GABPB1: variants seen among roughly 807,000 people sequenced by gnomAD.
GABPB1 encodes GA binding protein transcription factor subunit beta 1.
A neutral mutation model predicts 45.9 loss-of-function variants in GABPB1; 15 were observed. The observed-to-expected ratio is 0.33, with a 90% CI of 0.22 to 0.50. GABPB1 has a LOEUF of 0.50. GABPB1 is among the 20% of genes least tolerant of loss of function. The pLI is 0.98. For synonymous variants in GABPB1, 143 were observed against 154.4 expected (o/e 0.93, Z 0.55); for missense variants, 252 against 457.5 (o/e 0.55, Z 4.10).
chr15:50,315,378 T>A (rs2047283682), intron 1 of GABPB1, among the ~76,000 whole-genome samples: 1 of 152,186 alleles, frequency 6.6e-6, no homozygotes, highest in African/African-American at 2.4e-5. Context: ...GCAATCTGCC[T>A]ACTGCAGCCT....
intron 1 of GABPB1, chr15:50,352,849 C>T (rs1263280367): frequency 6.6e-6 from 1 of 152,158 alleles, no homozygotes; most frequent in Non-Finnish European, 1.5e-5. Context: ...TAAAATACGG[C>T]CTTAAATTTT....
intron 6 of GABPB1, among the ~76,000 whole-genome samples, chr15:50,292,686 AT>A (rs993810223): frequency 2.0e-5 from 3 of 152,084 alleles, no homozygotes; most frequent in Admixed American, 6.6e-5. Context: ...ATGTCAGATA[AT>A]TTTTTTTAAT....
At chr15:50,337,758 C>A (rs2048199980) in intron 1 of GABPB1, among the ~76,000 whole-genome samples, 2 of 152,080 alleles carry the variant, frequency 1.3e-5, no homozygotes, top group South Asian at 2.1e-4. Context: ...CAGAGACAGA[C>A]CCCGTCTCAA....
At chr15:50,336,954 AG>A (rs1425141914) in intron 1 of GABPB1, among the ~76,000 whole-genome samples, 15 of 151,054 alleles carry the variant, frequency 9.9e-5, no homozygotes, top group African/African-American at 3.6e-4. Context: ...CTGAAGTGGG[AG>A]GATCACTTGA....
intron 1 of GABPB1, among the ~76,000 whole-genome samples, chr15:50,310,528 T>C (rs925384393): frequency 2.6e-5 from 4 of 152,250 alleles, no homozygotes; most frequent in African/African-American, 9.6e-5. Flanking sequence ...AAACTTAGCA[T>C]AAATTTTTTT....
At chr15:50,306,450 T>C (rs984585947) in intron 2 of GABPB1, among the ~76,000 whole-genome samples, 2 of 152,006 alleles carry the variant, frequency 1.3e-5, no homozygotes, top group Non-Finnish European at 2.9e-5. Flanking sequence ...GCCAACATGG[T>C]GAAACCTCAT....
Position 50,306,967 on chromosome 15 carries a change from G to A in GABPB1, c.108+2724C>T, listed in dbSNP as rs181538595. Among the ~76,000 whole-genome samples the A allele has an allele frequency of 5.4e-3, 822 of 152,088 alleles. 6 individuals are homozygous for A. Among genetic ancestry groups the A allele is most frequent in the African/African-American group, 0.019 (788 of 41,478 alleles). On this transcript the variant is annotated intron_variant, in intron 2 of 8. Coordinates refer to ENST00000380877, the MANE Select transcript of GABPB1 (RefSeq NM_016654.5). ...CAATTAATTTAACCAATCTACTGAT[G>A]AACATTTAGATTGTTTCCAGTTTTT...
Position 50,300,919 on chromosome 15 carries a change from A to G in GABPB1, c.584-17T>C, listed in dbSNP as rs530975690. On this transcript the variant is annotated splice_polypyrimidine_tract_variant and intron_variant, in intron 5 of 8. Transcript: ENST00000380877. ...CCGTTTCATCTGTAAGAAAAAAGAA[A>G]ATAGATTTGAATTTCTAAGGAGCTT... is the stretch of plus-strand genomic sequence containing the variant. 7.1e-7 allele frequency: 1 copy of G among 1,411,178 alleles called. No homozygotes were observed. The highest frequency in any genetic ancestry group is 2.3e-5 in the East Asian group (1 of 43,914). 87.4% of individuals were successfully genotyped at this position (1,411,178 alleles called of 1,614,324 possible). A position where few individuals can be genotyped will look rare whatever the true frequency, so the allele number is the denominator to read the frequency against.
intron 4 of GABPB1, 133 bp from the exon 5 acceptor site, chr15:50,301,501 C>T: frequency 1.2e-6 from 1 of 804,054 alleles, no homozygotes; most frequent in Admixed American, 2.5e-5. Flanking sequence ...AAATATTTGT[C>T]TAAGGTCCAC....
intron 1 of GABPB1, among the ~76,000 whole-genome samples, chr15:50,327,899 A>G (rs1304379146): frequency 6.6e-6 from 1 of 152,096 alleles, no homozygotes; most frequent in African/African-American, 2.4e-5. Flanking sequence ...CTCCATCTCA[A>G]AAGAAAAAAA....
chr15:50,307,520 T>C (rs2046988710), intron 2 of GABPB1, among the ~76,000 whole-genome samples: 1 of 151,834 alleles, frequency 6.6e-6, no homozygotes, highest in African/African-American at 2.4e-5. Context: ...GGCCAACATA[T>C]TGAAACCCCA....
intron 8 of GABPB1, among the ~76,000 whole-genome samples, chr15:50,282,572 A>AAAAAAAAAAAAAAAAAAAAAAG (rs2046019566): frequency 6.6e-6 from 1 of 150,976 alleles, no homozygotes; most frequent in African/African-American, 2.4e-5. Context: ...AAAAAAAAAA[A>AAAAAAAAAAAAAAAAAAAAAAG]AAACAGAGAC....
intron 2 of GABPB1, among the ~76,000 whole-genome samples, chr15:50,308,174 C>T (rs978101719): frequency 1.3e-5 from 2 of 152,202 alleles, no homozygotes; most frequent in Admixed American, 1.3e-4. Context: ...TCTGACTGCT[C>T]ACTTTCCTTT....
At chr15:50,348,664 C>G (rs1429768384) in intron 1 of GABPB1, among the ~76,000 whole-genome samples, 1 of 151,728 alleles carries the variant, frequency 6.6e-6, no homozygotes, top group African/African-American at 2.4e-5. Flanking sequence ...GAGATCAAGA[C>G]CATCCTGACC....
At chr15:50,305,311 G>A (rs60737647) in intron 2 of GABPB1, among the ~76,000 whole-genome samples, 1 of 145,740 alleles carries the variant, frequency 6.9e-6, no homozygotes, top group Non-Finnish European at 1.5e-5. Flanking sequence ...TAGAGAGATA[G>A]ATATATTTTT....
intron 1 of GABPB1, chr15:50,351,693 C>T (rs1163025081): frequency 6.9e-6 from 1 of 145,566 alleles, no homozygotes; most frequent in Non-Finnish European, 1.5e-5. Flanking sequence ...GGGAGGGAGA[C>T]AGAAAGGTGC....
At chr15:50,301,190 C>A in intron 5 of GABPB1, 67 bp downstream of exon 5, 1 of 1,586,604 alleles carries the variant, frequency 6.3e-7, no homozygotes, top group Non-Finnish European at 8.6e-7. Flanking sequence ...AGCATAAAAT[C>A]CCAAAGCCTA....
At chr15:50,318,169 C>T (rs574039469) in intron 1 of GABPB1, among the ~76,000 whole-genome samples, 1 of 152,190 alleles carries the variant, frequency 6.6e-6, no homozygotes, top group South Asian at 2.1e-4. Flanking sequence ...GCAGAGGAAG[C>T]AAGTAAAAAG....
intron 1 of GABPB1, among the ~76,000 whole-genome samples, chr15:50,340,405 C>G (rs1392944057): frequency 6.6e-6 from 1 of 152,136 alleles, no homozygotes; most frequent in Non-Finnish European, 1.5e-5. Flanking sequence ...AGCCCAAACA[C>G]AGAAATGTAT....
Sources: gnomAD v4.1 joint callset for allele counts (sites outside exome capture counted in the v4.1 genomes callset) on GRCh38, gnomAD v4.1.1 for gene constraint, MANE v1.5 for transcripts, NCBI Gene and HGNC (gene_info 2026-07-23, HGNC 2026-07-21) for gene names.